Variants in DPP6 observed in about 807,000 individuals in gnomAD.
DPP6 encodes A-type potassium channel modulatory protein DPP6.
A neutral mutation model predicts 122.6 loss-of-function variants in DPP6; 69 were observed. That is an observed-to-expected ratio of 0.56 (90% confidence interval 0.46 to 0.69). DPP6 has a LOEUF of 0.69. DPP6 is among the 30% of genes least tolerant of loss of function. The pLI, the probability that DPP6 is intolerant of heterozygous loss-of-function variation, is 0.00. For missense variants in DPP6, 928 were observed against 1,116.9 expected, an observed-to-expected ratio of 0.83 and a Z score of 2.41; for synonymous variants, 418 against 433.1, an observed-to-expected ratio of 0.97 and a Z score of 0.43.
chr7:154,520,727 G>A (rs1826904849), intron 3 of DPP6, among the ~76,000 whole-genome samples: 1 of 152,204 alleles, frequency 6.6e-6, no homozygotes, highest in Non-Finnish European at 1.5e-5. Flanking sequence ...ATGGGAGTGG[G>A]ATGGGGCAGG....
intron 1 of DPP6, among the ~76,000 whole-genome samples, chr7:154,029,958 A>G (rs1414315467): frequency 2.0e-5 from 3 of 152,006 alleles, no homozygotes; most frequent in Admixed American, 6.6e-5. Flanking sequence ...CACTTTGGGA[A>G]GCTGAGGGGG....
At chr7:154,542,125 C>T (rs2130269875) in intron 4 of DPP6, among the ~76,000 whole-genome samples, 1 of 152,214 alleles carries the variant, frequency 6.6e-6, no homozygotes, top group East Asian at 1.9e-4. Context: ...ACATAGACTG[C>T]AGGCGTAAGG....
the DPP6 span, among the ~76,000 whole-genome samples, chr7:153,841,689 A>G: frequency 6.6e-6 from 1 of 152,224 alleles, no homozygotes; most frequent in Non-Finnish European, 1.5e-5. Context: ...AAGCAACTAG[A>G]GTCAGCTGGA....
rs1804581502 is a variant in DPP6 at position 154,282,431 on chromosome 7, T to C, written c.244-163783T>C. Among the ~76,000 whole-genome samples, 1 of 152,212 alleles carries C rather than the reference T, an allele frequency of 6.6e-6. No homozygotes were observed. Among genetic ancestry groups the C allele is most frequent in the Admixed American group, 6.5e-5 (1 of 15,272 alleles). ...GGGTGCTGATTAGCACTGTGCAATG[T>C]ACTGATTGGTACTGTGTAATTTTTA... On this transcript the variant is annotated intron_variant, in intron 1 of 25. Coordinates refer to ENST00000377770, the MANE Select transcript of DPP6 (RefSeq NM_130797.4). This position sits in a 1 kb window ranked among gnomAD's most constrained non-coding sequence, Gnocchi z 4.8.
At chr7:154,152,743 A>G (rs1386260904) in intron 1 of DPP6, among the ~76,000 whole-genome samples, 1 of 152,252 alleles carries the variant, frequency 6.6e-6, no homozygotes, top group African/African-American at 2.4e-5. Context: ...GACCTGATCC[A>G]CAGCTAGAGG....
chr7:153,793,652 T>C, the DPP6 span, among the ~76,000 whole-genome samples: 1 of 149,744 alleles, frequency 6.7e-6, no homozygotes, highest in East Asian at 1.9e-4. Context: ...CCCAGGACAA[T>C]GGGGAAAATG....
At chr7:153,885,855 C>T (rs555300491), upstream of DPP6, among the ~76,000 whole-genome samples, 1 of 152,068 alleles carries the variant, frequency 6.6e-6, no homozygotes, top group Non-Finnish European at 1.5e-5. Context: ...GTGCACATGT[C>T]CTAATGTTTT....
At chr7:154,586,392 C>T (rs577505238) in intron 5 of DPP6, among the ~76,000 whole-genome samples, 10 of 152,292 alleles carry the variant, frequency 6.6e-5, no homozygotes, top group African/African-American at 1.4e-4. Flanking sequence ...CCACTAAACG[C>T]GCTTGTCCAA....
intron 7 of DPP6, among the ~76,000 whole-genome samples, chr7:154,710,400 T>C (rs1226127896): frequency 6.6e-6 from 1 of 152,228 alleles, no homozygotes; most frequent in Admixed American, 6.5e-5. Flanking sequence ...AGTCAGCTGA[T>C]GGTCAAATTC....
intron 1 of DPP6, among the ~76,000 whole-genome samples, chr7:154,090,648 C>T (rs894586952): frequency 4.6e-5 from 7 of 151,786 alleles, no homozygotes; most frequent in Admixed American, 6.6e-5. Flanking sequence ...GCTTCTGGTC[C>T]GTTGAGCTGA....
rs1205549674 is a variant in DPP6 at position 154,474,050 on chromosome 7, C to G, written c.359-889C>G. On this transcript the variant is annotated intron_variant, in intron 2 of 25. Coordinates refer to ENST00000377770, the MANE Select transcript of DPP6 (RefSeq NM_130797.4). ...CATCAGATGTGGTCAAGTCAATATA[C>G]AGAGGAGTTTCTTATTAGTATCACA... Among the ~76,000 whole-genome samples the G allele has an allele frequency of 2.0e-5, 3 of 152,292 alleles. No individual in the cohort carries two copies. The East Asian group carries it at 5.8e-4, about 29-fold the overall frequency.
chr7:154,505,574 C>G (rs1825601322), intron 3 of DPP6, among the ~76,000 whole-genome samples: 1 of 152,138 alleles, frequency 6.6e-6, no homozygotes, highest in African/African-American at 2.4e-5. Context: ...CAAAAGGGTA[C>G]TTGAGGAACA....
the DPP6 span, among the ~76,000 whole-genome samples, chr7:153,870,547 T>C: frequency 6.6e-6 from 1 of 152,204 alleles, no homozygotes; most frequent in African/African-American, 2.4e-5. Context: ...TAGTTAGCCA[T>C]TCATCTAATT....
intron 1 of DPP6, among the ~76,000 whole-genome samples, chr7:154,413,436 G>A (rs117283597): frequency 6.6e-5 from 10 of 152,152 alleles, no homozygotes; most frequent in East Asian, 1.9e-4. Flanking sequence ...GTATGGTGGC[G>A]TGTACTAAAG....
In DPP6 at chr7:154,574,056, T is replaced by G. The variant is rs1000444972; in HGVS notation, c.627+7140T>G. Among the ~76,000 whole-genome samples, 1,028 of 152,382 alleles carry G rather than the reference T, an allele frequency of 6.7e-3. 13 individuals are homozygous for G. The highest frequency in any genetic ancestry group is 0.022 in the African/African-American group (899 of 41,588). ...AACTAACAATTATTTTCTTGTTTGT[T>G]TTTTATTTTTATTTTTACTCAGGTT... On this transcript the variant is annotated intron_variant, in intron 5 of 25. Transcript: ENST00000377770.
intron 1 of DPP6, among the ~76,000 whole-genome samples, chr7:154,134,925 C>G (rs1795468310): frequency 6.6e-6 from 1 of 152,136 alleles, no homozygotes; most frequent in Admixed American, 6.5e-5. Flanking sequence ...TGTGAGCTCT[C>G]ACTTCCTGTG....
chr7:154,736,334 T>C (rs1842568553), intron 8 of DPP6, among the ~76,000 whole-genome samples: 1 of 152,228 alleles, frequency 6.6e-6, no homozygotes, highest in Non-Finnish European at 1.5e-5. Flanking sequence ...ATGGTCTTCA[T>C]TGCCACTGCT....
At chr7:154,061,596 G>A (rs1801895185) in intron 1 of DPP6, among the ~76,000 whole-genome samples, 2 of 144,908 alleles carry the variant, frequency 1.4e-5, no homozygotes, top group Non-Finnish European at 3.1e-5. Context: ...CTTCCCCCCT[G>A]GCTCTTGGGA....
intron 1 of DPP6, among the ~76,000 whole-genome samples, chr7:154,390,738 G>A (rs1370754247): frequency 6.6e-6 from 1 of 152,060 alleles, no homozygotes; most frequent in African/African-American, 2.4e-5. Context: ...CTCTGGCACT[G>A]CCCCTGTGTT....
Sources: allele counts gnomAD v4.1 joint callset (sites outside exome capture counted in the v4.1 genomes callset), GRCh38; gene constraint gnomAD v4.1.1; non-coding constraint Gnocchi (gnomAD v3.1); transcripts MANE v1.5; gene names NCBI Gene and HGNC (gene_info 2026-07-23, HGNC 2026-07-21).